Variants in NAA35 observed in about 807,000 individuals in gnomAD.
NAA35 encodes N-alpha-acetyltransferase 35, NatC auxiliary subunit.
NAA35 carries 18 observed loss-of-function variants against 101.7 expected under a neutral mutation model. The observed-to-expected ratio is 0.18, with a 90% confidence interval of 0.12 to 0.26. The LOEUF is 0.26. NAA35 is among the 10% of genes least tolerant of loss of function. The probability of loss-of-function intolerance (pLI) is 1.00; values close to 1 mark genes in which losing one functional copy is unlikely to be tolerated. For missense variants in NAA35, 601 were observed against 886.8 expected, an observed-to-expected ratio of 0.68 and a Z score of 4.09; for synonymous variants, 267 against 273.1, an observed-to-expected ratio of 0.98 and a Z score of 0.22.
At chr9:85,949,286 T>C (rs1828902888) in intron 2 of NAA35, among the ~76,000 whole-genome samples, 1 of 150,240 alleles carries the variant, frequency 6.7e-6, no homozygotes, top group Non-Finnish European at 1.5e-5. Flanking sequence ...CCTATTTTTC[T>C]TTTTTTCTTT....
chr9:86,004,820 T>A (rs540935819), intron 13 of NAA35, among the ~76,000 whole-genome samples: 41 of 152,326 alleles, frequency 2.7e-4, no homozygotes, highest in African/African-American at 9.4e-4. Context: ...CCTATTCCTT[T>A]AAATGTAGAT....
intron 15 of NAA35, among the ~76,000 whole-genome samples, chr9:86,010,361 C>A (rs970293361): frequency 2.0e-5 from 3 of 151,866 alleles, no homozygotes; most frequent in African/African-American, 7.3e-5. Context: ...AAAACTGTCT[C>A]CTCCTAACAC....
At chr9:86,002,318 C>G (rs1297822834) in intron 12 of NAA35, among the ~76,000 whole-genome samples, 7 of 152,108 alleles carry the variant, frequency 4.6e-5, no homozygotes, top group Admixed American at 4.6e-4. Flanking sequence ...TTTGGAAAAC[C>G]TGAGGATTTT....
intron 2 of NAA35, among the ~76,000 whole-genome samples, chr9:85,946,425 C>A (rs1184087282): frequency 6.6e-6 from 1 of 152,310 alleles, no homozygotes; most frequent in East Asian, 1.9e-4. Flanking sequence ...AACATTCTCT[C>A]CTGGGATGAT....
At chr9:85,953,161 T>C (rs1459926900) in intron 2 of NAA35, among the ~76,000 whole-genome samples, 1 of 150,962 alleles carries the variant, frequency 6.6e-6, no homozygotes, top group African/African-American at 2.4e-5. Flanking sequence ...TGCAATGAGC[T>C]GTGATAGCAC....
At position 85,962,099 on chromosome 9, in the gene NAA35, T is replaced by C; in HGVS notation, c.435T>C (p.Ala145=). ...IHNPDFIEDP[A]MKAFALGILK... is the part of the protein sequence containing the mutation. Reference sequence around the variant, plus strand: ...ATCCAGACTTTATAGAAGATCCTGCTATGAAGGCTTTTGCTCTGGGAATCT... The same window carrying C: ...ATCCAGACTTTATAGAAGATCCTGCCATGAAGGCTTTTGCTCTGGGAATCT... The change falls in exon 6 of 23, where the codon GCT becomes GCC. Residue 145 remains alanine (A), a synonymous_variant. Transcript: ENST00000361671. 3.7e-6 allele frequency: 6 copies of C among 1,614,162 alleles called. No homozygotes were observed. Among genetic ancestry groups the C allele is most frequent in the South Asian group, 2.2e-5 (2 of 91,082 alleles).
chr9:85,961,355 C>T (rs1346553465), intron 5 of NAA35, among the ~76,000 whole-genome samples: 4 of 151,980 alleles, frequency 2.6e-5, no homozygotes, highest in South Asian at 2.1e-4. Context: ...AGAAAAATAC[C>T]ACCTTTCTCA....
chr9:85,977,353 G>T lies in NAA35; in HGVS notation c.679-10G>T. ...ATCTTTTAACTTTTAGTCCTTTCTTGTTTTTTTAGCACCAACAATGTTTAG... is the reference window on the plus strand; with the variant it reads ...ATCTTTTAACTTTTAGTCCTTTCTTTTTTTTTTAGCACCAACAATGTTTAG... On this transcript the variant is annotated splice_polypyrimidine_tract_variant and intron_variant, in intron 9 of 22. Transcript: ENST00000361671. 1.2e-6 allele frequency: 2 copies of T among 1,603,778 alleles called. No homozygotes were observed. Among genetic ancestry groups the T allele is most frequent in the East Asian group, 2.2e-5 (1 of 44,712 alleles).
chr9:85,977,323 T>C, intron 9 of NAA35, 40 bp from the exon 10 acceptor site: 1 of 1,366,856 alleles, frequency 7.3e-7, no homozygotes, highest in South Asian at 1.2e-5. Context: ...TTTCACGGGC[T>C]TTGCATCTTT....
intron 6 of NAA35, among the ~76,000 whole-genome samples, chr9:85,965,545 C>T (rs773080396): frequency 1.4e-4 from 22 of 152,020 alleles, no homozygotes; most frequent in Non-Finnish European, 2.8e-4. Context: ...GGAGGATCAC[C>T]TGAGCCTGGG....
Position 85,986,362 on chromosome 9 carries a change from A to G in NAA35, c.877+7981A>G. 6.4e-6 allele frequency: 3 copies of G among 466,782 alleles called. No homozygotes were observed. In the East Asian group the frequency reaches 2.1e-4, roughly 32 times the overall value. 28.9% of individuals were successfully genotyped at this position (466,782 alleles called of 1,614,324 possible). ...GGATTATAACCAAAATTATGATCTA[A>G]CAGTGTTGTAGGTGAGGGGACAGAA... On this transcript the variant is annotated intron_variant, in intron 11 of 22. Transcript: ENST00000361671.
At chr9:85,943,945 T>C (rs192913928) in intron 2 of NAA35, among the ~76,000 whole-genome samples, 1 of 152,346 alleles carries the variant, frequency 6.6e-6, no homozygotes, top group Admixed American at 6.5e-5. Flanking sequence ...CAAAACAATT[T>C]TAAATGCTGG....
At chr9:85,989,747 C>T (rs752183595) in intron 11 of NAA35, among the ~76,000 whole-genome samples, 11 of 152,068 alleles carry the variant, frequency 7.2e-5, no homozygotes, top group East Asian at 3.9e-4. Context: ...GTGGTTAAAA[C>T]GGTGGAAATT....
intron 8 of NAA35, among the ~76,000 whole-genome samples, 196 bp downstream of exon 8, chr9:85,975,353 G>A (rs192398402): frequency 2.6e-5 from 4 of 151,962 alleles, no homozygotes; most frequent in Admixed American, 6.6e-5. Flanking sequence ...ATGTGCTGCC[G>A]AAGCGAGCAC....
At chr9:85,980,129 G>A (rs1456925179) in intron 11 of NAA35, among the ~76,000 whole-genome samples, 2 of 152,196 alleles carry the variant, frequency 1.3e-5, no homozygotes, top group Non-Finnish European at 2.9e-5. Context: ...GGATACAGAT[G>A]AAGAAATGCA....
intron 6 of NAA35, among the ~76,000 whole-genome samples, chr9:85,972,850 G>A (rs1188810104): frequency 6.6e-6 from 1 of 152,130 alleles, no homozygotes; most frequent in African/African-American, 2.4e-5. Flanking sequence ...AGTCCTATAG[G>A]TGAAGTAGTA....
chr9:85,987,236 C>A (rs921067927), intron 11 of NAA35, among the ~76,000 whole-genome samples: 2 of 152,158 alleles, frequency 1.3e-5, no homozygotes, highest in African/African-American at 2.4e-5. Context: ...TCAACTGATT[C>A]TTGAGCCACA....
chr9:85,948,269 CA>C (rs1179540661), intron 2 of NAA35, among the ~76,000 whole-genome samples: 1 of 152,102 alleles, frequency 6.6e-6, no homozygotes, highest in Non-Finnish European at 1.5e-5. Context: ...CTGTTTTACA[CA>C]AAAAATTTTT....
intron 11 of NAA35, among the ~76,000 whole-genome samples, chr9:85,989,761 T>C (rs1330407470): frequency 1.3e-5 from 2 of 152,166 alleles, no homozygotes; most frequent in Non-Finnish European, 2.9e-5. Context: ...GGAAATTGGT[T>C]TTACTAAATA....
Sources: gnomAD v4.1 joint callset for allele counts (sites outside exome capture counted in the v4.1 genomes callset) on GRCh38, gnomAD v4.1.1 for gene constraint, MANE v1.5 for transcripts, NCBI Gene and HGNC (gene_info 2026-07-23, HGNC 2026-07-21) for gene names.